MCTP1: variants seen among roughly 807,000 people sequenced by gnomAD.
MCTP1 encodes multiple C2 and transmembrane domain-containing protein 1.
In MCTP1, 69 loss-of-function variants were observed where a neutral mutation model predicts 120.6. The observed-to-expected ratio is 0.57, with a 90% confidence interval of 0.47 to 0.70. The LOEUF (loss-of-function observed/expected upper bound fraction) is 0.70. Ranked by LOEUF, MCTP1 falls within the 30% of genes least tolerant of loss-of-function variation. MCTP1 has a pLI of 0.00. For missense variants in MCTP1, 1,203 were observed against 1,248.8 expected, an observed-to-expected ratio of 0.96 and a Z score of 0.55; for synonymous variants, 529 against 493.1, an observed-to-expected ratio of 1.07 and a Z score of -0.96.
intron 1 of MCTP1, among the ~76,000 whole-genome samples, chr5:95,261,418 G>A (rs889221314): frequency 5.3e-5 from 8 of 152,178 alleles, no homozygotes; most frequent in African/African-American, 1.9e-4. Context: ...AGCATTTGGT[G>A]ATTTTTTGAA....
At chr5:95,076,629 G>A (rs1207566142) in intron 1 of MCTP1, among the ~76,000 whole-genome samples, 1 of 152,174 alleles carries the variant, frequency 6.6e-6, no homozygotes. Context: ...CTTAGAACAC[G>A]CTATTTCTAA....
At chr5:94,753,990 G>A (rs1769135454) in intron 19 of MCTP1, among the ~76,000 whole-genome samples, 1 of 152,138 alleles carries the variant, frequency 6.6e-6, no homozygotes, top group Non-Finnish European at 1.5e-5. Context: ...GAAAGAGAAG[G>A]AAAGGAAGAG....
intron 1 of MCTP1, among the ~76,000 whole-genome samples, chr5:95,034,659 C>T (rs561407141): frequency 1.7e-4 from 26 of 151,928 alleles, no homozygotes; most frequent in Non-Finnish European, 2.8e-4. Context: ...TGGATATTGA[C>T]TTATGCAAAT....
At chr5:94,777,415 A>G (rs978245893) in intron 19 of MCTP1, among the ~76,000 whole-genome samples, 2 of 152,186 alleles carry the variant, frequency 1.3e-5, no homozygotes, top group South Asian at 4.1e-4. Flanking sequence ...AAAAATGGCC[A>G]TAAAACGGGG....
chr5:94,925,707 C>T (rs1165981161), intron 6 of MCTP1, among the ~76,000 whole-genome samples: 3 of 152,078 alleles, frequency 2.0e-5, no homozygotes, highest in African/African-American at 7.2e-5. Context: ...CTGCGCCCGG[C>T]CAAAGTGACG....
chr5:95,009,475 A>T (rs926925169), intron 2 of MCTP1, among the ~76,000 whole-genome samples: 13 of 151,996 alleles, frequency 8.6e-5, no homozygotes, highest in African/African-American at 2.9e-4. Flanking sequence ...TCACAATTTC[A>T]TAGGGCTGCC....
At chr5:94,896,876 G>A (rs976066400) in intron 10 of MCTP1, among the ~76,000 whole-genome samples, 2 of 152,100 alleles carry the variant, frequency 1.3e-5, no homozygotes, top group Non-Finnish European at 2.9e-5. Context: ...CTGAGGGCCA[G>A]GGAGGGTACA....
chr5:94,738,041 G>A (rs1764665661), intron 19 of MCTP1, among the ~76,000 whole-genome samples: 2 of 152,178 alleles, frequency 1.3e-5, no homozygotes, highest in Non-Finnish European at 1.5e-5. Context: ...CTAATCTCAA[G>A]CCACGAATAA....
intron 19 of MCTP1, among the ~76,000 whole-genome samples, chr5:94,741,476 C>T (rs1219451896): frequency 2.0e-5 from 3 of 152,248 alleles, no homozygotes; most frequent in Admixed American, 2.0e-4. Context: ...TCTTTTTGTG[C>T]CAATTATTAT....
chr5:94,792,990 G>T (rs1779293295), intron 18 of MCTP1: 1 of 152,158 alleles, frequency 6.6e-6, no homozygotes. Context: ...AATTTCCATT[G>T]AATTGGGCAT....
At position 94,736,018 on chromosome 5, in the gene MCTP1, A is replaced by G. The variant is rs546990223; in HGVS notation, c.2611-21132T>C. 1.1e-4 allele frequency among the ~76,000 whole-genome samples: 17 copies of G among 152,322 alleles called. No individual in the cohort carries two copies. In the South Asian group the frequency reaches 3.5e-3, roughly 32 times the overall value. ...ACTACCCCTGGTTTTGGACCTTGCT[A>G]ACCATTATGTATGTCCATGTGTACC... is the stretch of plus-strand genomic sequence containing the variant. On this transcript the variant is annotated intron_variant, in intron 19 of 22. Transcript: ENST00000515393.
At position 95,031,546 on chromosome 5, in the gene MCTP1, A is replaced by C. The variant is rs750752697; in HGVS notation, c.721-14062T>G. Among the ~76,000 whole-genome samples the C allele has an allele frequency of 3.2e-4, 49 of 152,232 alleles. 1 individual carries two copies. The highest frequency in any genetic ancestry group is 8.8e-5 in the Non-Finnish European group (6 of 68,024). On this transcript the variant is annotated intron_variant, in intron 1 of 22. Transcript: ENST00000515393. Reference sequence around the variant, plus strand: ...CGTCCTCCTAAAAAAATTAAGTTTCATAAACAAAGGAGAAATAAAGTCTTT... The same window carrying C: ...CGTCCTCCTAAAAAAATTAAGTTTCCTAAACAAAGGAGAAATAAAGTCTTT...
chr5:94,889,890 T>C (rs1802203194), intron 11 of MCTP1, among the ~76,000 whole-genome samples: 1 of 152,220 alleles, frequency 6.6e-6, no homozygotes, highest in South Asian at 2.1e-4. Context: ...CAATAAATTA[T>C]GGAATAGATA....
At chr5:95,239,198 T>C (rs1039033154) in intron 1 of MCTP1, among the ~76,000 whole-genome samples, 3 of 152,208 alleles carry the variant, frequency 2.0e-5, no homozygotes, top group Non-Finnish European at 2.9e-5. Context: ...CTAAGCACCC[T>C]GGAGAAATCT....
intron 1 of MCTP1, among the ~76,000 whole-genome samples, chr5:95,253,431 T>C (rs994618207): frequency 6.6e-6 from 1 of 152,072 alleles, no homozygotes; most frequent in South Asian, 2.1e-4. Context: ...ACACATGACA[T>C]ACACTAGTTT....
chr5:95,206,957 A>AG (rs2152561335), intron 1 of MCTP1, among the ~76,000 whole-genome samples: 1 of 152,310 alleles, frequency 6.6e-6, no homozygotes, highest in East Asian at 1.9e-4. Context: ...TTTGTTCATT[A>AG]TAGAAGTCAA....
chr5:94,943,731 C>T (rs547776821), intron 3 of MCTP1, among the ~76,000 whole-genome samples: 15 of 151,416 alleles, frequency 9.9e-5, no homozygotes, highest in Admixed American at 2.6e-4. Context: ...GAAGAGAGAA[C>T]GAAGAGAAAG....
At chr5:94,937,821 C>A (rs1816572151) in intron 5 of MCTP1, among the ~76,000 whole-genome samples, 1 of 151,992 alleles carries the variant, frequency 6.6e-6, no homozygotes, top group Non-Finnish European at 1.5e-5. Context: ...TATACATTAT[C>A]AAATCACCCA....
intron 10 of MCTP1, among the ~76,000 whole-genome samples, chr5:94,897,466 C>T (rs960261716): frequency 6.6e-5 from 10 of 152,276 alleles, no homozygotes; most frequent in Admixed American, 2.6e-4. Context: ...AAGCAATTCT[C>T]GTGCCTCAGC....
Sources: gnomAD v4.1 joint callset for allele counts (sites outside exome capture counted in the v4.1 genomes callset) on GRCh38, gnomAD v4.1.1 for gene constraint, MANE v1.5 for transcripts, NCBI Gene and HGNC (gene_info 2026-07-23, HGNC 2026-07-21) for gene names.